IGF2BP3: variants seen among roughly 807,000 people sequenced by gnomAD.
IGF2BP3 encodes the protein insulin-like growth factor 2 mRNA-binding protein 3.
In IGF2BP3, 9 loss-of-function variants were observed where a neutral mutation model predicts 73.8. That is an observed-to-expected ratio of 0.12 (90% confidence interval 0.07 to 0.21). IGF2BP3 has a LOEUF of 0.21. IGF2BP3 is among the 10% of genes least tolerant of loss of function. IGF2BP3 has a pLI of 1.00. For missense variants in IGF2BP3, 542 were observed against 714.0 expected (o/e 0.76, Z 2.75); for synonymous variants, 258 against 256.7 (o/e 1.01, Z -0.05).
intron 12 of IGF2BP3, among the ~76,000 whole-genome samples, chr7:23,315,314 G>GC: frequency 6.6e-6 from 1 of 152,032 alleles, no homozygotes; most frequent in African/African-American, 2.4e-5. Context: ...TGCCATGTAG[G>GC]CCAGGCTGGT....
At chr7:23,466,143 C>A (rs758475945) in intron 2 of IGF2BP3, among the ~76,000 whole-genome samples, 5 of 151,982 alleles carry the variant, frequency 3.3e-5, no homozygotes, top group African/African-American at 4.8e-5. Context: ...CTCAGCCTCC[C>A]GAGTAGCTGG....
intron 3 of IGF2BP3, among the ~76,000 whole-genome samples, chr7:23,389,864 G>A (rs1421444000): frequency 3.3e-5 from 5 of 151,486 alleles, no homozygotes; most frequent in Non-Finnish European, 7.4e-5. Context: ...GCTGGGTGTG[G>A]TAGTATGCAT....
chr7:23,360,119 G>C (rs1321258820), intron 5 of IGF2BP3, among the ~76,000 whole-genome samples: 1 of 151,248 alleles, frequency 6.6e-6, no homozygotes. Context: ...GAGAATTGGA[G>C]AAAGACTCCC....
intron 10 of IGF2BP3, among the ~76,000 whole-genome samples, chr7:23,337,527 A>G (rs186620345): frequency 6.6e-6 from 1 of 152,330 alleles, no homozygotes; most frequent in Non-Finnish European, 1.5e-5. Flanking sequence ...TCCTTTAGTA[A>G]CAGATCCTGT....
At chr7:23,314,975 G>A (rs1783943078) in intron 12 of IGF2BP3, among the ~76,000 whole-genome samples, 1 of 151,692 alleles carries the variant, frequency 6.6e-6, no homozygotes, top group Non-Finnish European at 1.5e-5. Flanking sequence ...ATTTTTTGTT[G>A]TTATTTTAGT....
intron 2 of IGF2BP3, among the ~76,000 whole-genome samples, chr7:23,447,626 A>G (rs1353575177): frequency 6.6e-6 from 1 of 151,794 alleles, no homozygotes; most frequent in African/African-American, 2.4e-5. Context: ...TCTGTCTCAG[A>G]AAAAAACAAC....
intron 12 of IGF2BP3, 63 bp from the exon 13 acceptor site, chr7:23,313,716 T>G: frequency 1.3e-6 from 2 of 1,549,894 alleles, no homozygotes; most frequent in South Asian, 2.3e-5. Flanking sequence ...GTCAGTTAAC[T>G]TGAAAGATGG....
intron 3 of IGF2BP3, among the ~76,000 whole-genome samples, chr7:23,382,670 C>T (rs1785948637): frequency 6.6e-6 from 1 of 151,888 alleles, no homozygotes. Flanking sequence ...CAAAAATGGC[C>T]TTGCCCATTA....
intron 3 of IGF2BP3, among the ~76,000 whole-genome samples, chr7:23,388,915 A>G (rs1325670030): frequency 1.3e-5 from 2 of 152,132 alleles, no homozygotes; most frequent in Non-Finnish European, 2.9e-5. Context: ...TAAACAAGTA[A>G]ATAGTAGTAT....
chr7:23,316,674 C>CAAAAA (rs1271667588), intron 12 of IGF2BP3, among the ~76,000 whole-genome samples: 1 of 50,118 alleles, frequency 2.0e-5, no homozygotes, highest in Non-Finnish European at 4.3e-5. Flanking sequence ...GACTCTGTCT[C>CAAAAA]AAAAAAAAAA....
chr7:23,449,237 G>GTATTCTGATA (rs1404607369), intron 2 of IGF2BP3, among the ~76,000 whole-genome samples: 1 of 151,958 alleles, frequency 6.6e-6, no homozygotes, highest in Non-Finnish European at 1.5e-5. Flanking sequence ...CCTGATACAG[G>GTATTCTGATA]CCGGGCGTGG....
intron 10 of IGF2BP3, among the ~76,000 whole-genome samples, chr7:23,329,529 T>C (rs1008072804): frequency 6.6e-6 from 1 of 152,220 alleles, no homozygotes; most frequent in Non-Finnish European, 1.5e-5. Context: ...AATATTAAAT[T>C]CCCATACAAA....
At chr7:23,378,698 C>T (rs1218177465) in intron 3 of IGF2BP3, among the ~76,000 whole-genome samples, 13 of 151,526 alleles carry the variant, frequency 8.6e-5, no homozygotes, top group Admixed American at 2.6e-4. Context: ...CTCAGCCTCC[C>T]GAGTAGCTGG....
chr7:23,364,640 A>C (rs747431983), intron 3 of IGF2BP3, among the ~76,000 whole-genome samples: 9 of 151,734 alleles, frequency 5.9e-5, no homozygotes, highest in Non-Finnish European at 8.8e-5. Flanking sequence ...CAAAAATGAA[A>C]TTTTTTCAAT....
intron 3 of IGF2BP3, among the ~76,000 whole-genome samples, chr7:23,408,871 T>A (rs1786928879): frequency 6.6e-6 from 1 of 152,130 alleles, no homozygotes; most frequent in Non-Finnish European, 1.5e-5. Flanking sequence ...ACACTTAACT[T>A]TCAAAAGAAA....
At chr7:23,347,015 G>A (rs1562689684) in intron 7 of IGF2BP3, among the ~76,000 whole-genome samples, 1 of 152,052 alleles carries the variant, frequency 6.6e-6, no homozygotes, top group Non-Finnish European at 1.5e-5. Flanking sequence ...AATTAAGGTT[G>A]GTAATGAGGT....
intron 3 of IGF2BP3, among the ~76,000 whole-genome samples, chr7:23,400,410 G>A (rs1786621979): frequency 6.6e-6 from 1 of 152,128 alleles, no homozygotes; most frequent in South Asian, 2.1e-4. Context: ...TGCTCCTCCA[G>A]GGTAACATTT....
At chr7:23,316,132 A>ATTG (rs1783981481) in intron 12 of IGF2BP3, among the ~76,000 whole-genome samples, 1 of 152,208 alleles carries the variant, frequency 6.6e-6, no homozygotes, top group African/African-American at 2.4e-5. Context: ...CCTGGATCAC[A>ATTG]AGGCTGCTGT....
intron 2 of IGF2BP3, among the ~76,000 whole-genome samples, chr7:23,425,856 C>T (rs1358245038): frequency 3.3e-5 from 5 of 151,746 alleles, no homozygotes; most frequent in African/African-American, 1.2e-4. Context: ...CCCAGCTACT[C>T]GGGAGGCTGA....
Sources: allele counts gnomAD v4.1 joint callset (sites outside exome capture counted in the v4.1 genomes callset), GRCh38; gene constraint gnomAD v4.1.1; transcripts MANE v1.5; gene names NCBI Gene and HGNC (gene_info 2026-07-23, HGNC 2026-07-21).